LCORL: variants seen among roughly 807,000 people sequenced by gnomAD.
LCORL encodes ligand-dependent nuclear receptor corepressor-like protein.
In LCORL, 41 loss-of-function variants were observed where a neutral mutation model predicts 141.8. That is an observed-to-expected ratio of 0.29 (90% confidence interval 0.23 to 0.38). The LOEUF (loss-of-function observed/expected upper bound fraction) is 0.38. Ranked by LOEUF, LCORL falls within the 10% of genes least tolerant of loss-of-function variation. LCORL has a pLI of 1.00. For missense variants in LCORL, 1,759 were observed against 2,035.0 expected (o/e 0.86, Z 2.61); for synonymous variants, 618 against 694.1 (o/e 0.89, Z 1.72).
intron 4 of LCORL, among the ~76,000 whole-genome samples, chr4:17,922,978 G>A (rs1264966885): frequency 6.6e-6 from 1 of 152,138 alleles, no homozygotes; most frequent in African/African-American, 2.4e-5. Context: ...CCCCCCCAAG[G>A]CAGCTTCCAG....
intron 5 of LCORL, among the ~76,000 whole-genome samples, chr4:17,907,053 A>ATTCC (rs1434788209): frequency 3.9e-5 from 6 of 152,134 alleles, no homozygotes; most frequent in Non-Finnish European, 8.8e-5. Context: ...TCAGGGAATC[A>ATTCC]TTCCTTCCTT....
At chr4:17,947,686 T>C (rs564193559) in intron 4 of LCORL, among the ~76,000 whole-genome samples, 2 of 152,108 alleles carry the variant, frequency 1.3e-5, no homozygotes, top group African/African-American at 4.8e-5. Flanking sequence ...AAATTGTCAA[T>C]TTACAATAAG....
exon 8 of LCORL, chr4:17,843,380 A>C: frequency 6.2e-7 from 1 of 1,612,086 alleles, no homozygotes; most frequent in Non-Finnish European, 8.5e-7. Flanking sequence ...CACTAGAAAA[A>C]AGTAAACTTA....
chr4:17,917,181 C>G (rs1733577186), intron 4 of LCORL, among the ~76,000 whole-genome samples: 1 of 151,744 alleles, frequency 6.6e-6, no homozygotes, highest in Non-Finnish European at 1.5e-5. Context: ...CCACGTTGGC[C>G]AGGCTGAGTT....
intron 2 of LCORL, among the ~76,000 whole-genome samples, chr4:17,963,876 A>G (rs779165843): frequency 3.9e-5 from 6 of 152,056 alleles, no homozygotes; most frequent in Non-Finnish European, 7.4e-5. Flanking sequence ...AACCATTATC[A>G]TCTAAGGCAG....
At chr4:17,931,510 GTTT>G (rs1303418794) in intron 4 of LCORL, among the ~76,000 whole-genome samples, 2 of 151,538 alleles carry the variant, frequency 1.3e-5, no homozygotes, top group East Asian at 3.9e-4. Flanking sequence ...CTTATATGTA[GTTT>G]TTTTGTCATT....
At chr4:17,863,699 C>T (rs1475176609) in intron 7 of LCORL, among the ~76,000 whole-genome samples, 1 of 152,184 alleles carries the variant, frequency 6.6e-6, no homozygotes, top group Non-Finnish European at 1.5e-5. Flanking sequence ...TGCACATGTA[C>T]ATTTATCACA....
At chr4:17,905,781 G>C (rs1040403845) in intron 5 of LCORL, among the ~76,000 whole-genome samples, 8 of 151,924 alleles carry the variant, frequency 5.3e-5, no homozygotes, top group Non-Finnish European at 7.4e-5. Context: ...GCTTAAATGA[G>C]TATTGCTAAA....
At chr4:17,940,132 ATG>A (rs1560375731) in intron 4 of LCORL, among the ~76,000 whole-genome samples, 4 of 142,176 alleles carry the variant, frequency 2.8e-5, no homozygotes, top group African/African-American at 5.0e-5. Flanking sequence ...ATATATGTAT[ATG>A]TGTATATATA....
At chr4:17,886,746 G>A (rs1728327718) in intron 5 of LCORL, among the ~76,000 whole-genome samples, 1 of 151,872 alleles carries the variant, frequency 6.6e-6, no homozygotes, top group Non-Finnish European at 1.5e-5. Context: ...TTATATCTAC[G>A]ACTAAAGACA....
intron 1 of LCORL, among the ~76,000 whole-genome samples, chr4:17,980,881 T>C (rs538748872): frequency 2.0e-5 from 3 of 152,164 alleles, no homozygotes; most frequent in Non-Finnish European, 2.9e-5. Context: ...GTATACTCCT[T>C]ATGAGAATCT....
intron 1 of LCORL, among the ~76,000 whole-genome samples, chr4:18,001,622 G>GA (rs1179211723): frequency 1.3e-5 from 2 of 152,164 alleles, no homozygotes; most frequent in Non-Finnish European, 2.9e-5. Context: ...TATAAAGAAA[G>GA]AAAGAATGGA....
At chr4:17,876,862 T>C in exon 7 of LCORL, 1 of 1,230,808 alleles carries the variant, frequency 8.1e-7, no homozygotes, top group African/African-American at 1.6e-5. Flanking sequence ...GACAAGTTAG[T>C]TTCTGAACTA....
chr4:17,990,216 A>G (rs1232330448), intron 1 of LCORL, among the ~76,000 whole-genome samples: 1 of 147,130 alleles, frequency 6.8e-6, no homozygotes, highest in Non-Finnish European at 1.5e-5. Flanking sequence ...CTCCTGCCTC[A>G]GCCTTCCGTG....
chr4:17,875,937 T>C (rs1343029591), exon 7 of LCORL: 1 of 1,231,166 alleles, frequency 8.1e-7, no homozygotes, highest in Non-Finnish European at 1.0e-6. Flanking sequence ...GGAGTGATAA[T>C]TTTCAGAGTT....
exon 8 of LCORL, chr4:17,843,951 C>CTT (rs1553852593): frequency 6.6e-6 from 1 of 151,970 alleles, no homozygotes; most frequent in Non-Finnish European, 1.5e-5. Flanking sequence ...TTGACAAAAA[C>CTT]TTATTTTGTG....
chr4:18,020,952 A>G (rs1725437769), intron 1 of LCORL, among the ~76,000 whole-genome samples: 1 of 152,156 alleles, frequency 6.6e-6, no homozygotes, highest in South Asian at 2.1e-4. Context: ...TTAAAGGGGT[A>G]CACACAGCGC....
chr4:17,876,513 T>G (rs1389179381), exon 7 of LCORL: 45 of 1,230,860 alleles, frequency 3.7e-5, no homozygotes, highest in Non-Finnish European at 4.4e-5. Context: ...CATTGCAATT[T>G]TGTTTAGGTC....
chr4:17,842,394 T>C, exon 8 of LCORL: 1 of 1,606,006 alleles, frequency 6.2e-7, no homozygotes, highest in Non-Finnish European at 8.5e-7. Flanking sequence ...GTCATGCATG[T>C]CTAGAATATA....
Sources: gnomAD v4.1 joint callset for allele counts (sites outside exome capture counted in the v4.1 genomes callset) on GRCh38, gnomAD v4.1.1 for gene constraint, MANE v1.5 for transcripts, NCBI Gene and HGNC (gene_info 2026-07-23, HGNC 2026-07-21) for gene names.